TTN: variants seen among roughly 807,000 people sequenced by gnomAD.
TTN encodes titin, also known as connectin.
A neutral mutation model predicts 3,223.0 loss-of-function variants in TTN; 1,525 were observed. That is an observed-to-expected ratio of 0.47 (90% confidence interval 0.45 to 0.49). The LOEUF (loss-of-function observed/expected upper bound fraction) is 0.49. Ranked by LOEUF, TTN falls within the 20% of genes least tolerant of loss-of-function variation. The probability of loss-of-function intolerance (pLI) is 0.00; values close to 1 mark genes in which losing one functional copy is unlikely to be tolerated. For missense variants in TTN, 40,786 were observed against 43,424.0 expected, an observed-to-expected ratio of 0.94 and a Z score of 5.40; for synonymous variants, 14,094 against 15,161.0, an observed-to-expected ratio of 0.93 and a Z score of 5.17.
chr2:178,599,665 T>G lies in TTN; in HGVS notation c.56236A>C (p.Thr18746Pro). 1 of 1,613,066 alleles carries G rather than the reference T, an allele frequency of 6.2e-7. No individual in the cohort carries two copies. The highest frequency in any genetic ancestry group is 8.5e-7 in the Non-Finnish European group (1 of 1,179,382). ...GACTGCGGAATAACTAAAGTGCAAGTATCATCTACCACCAGTTTGTTGACA... is the reference window on the plus strand; with the variant it reads ...GACTGCGGAATAACTAAAGTGCAAGGATCATCTACCACCAGTTTGTTGACA... ...THVNKLVVDD[T>P]CTLVIPQSRR... Residue 18746 changes from threonine to proline, a missense_variant, in exon 289 of 363, where the codon ACT becomes CCT. Coordinates refer to ENST00000589042, the MANE Select transcript of TTN (RefSeq NM_001267550.2).
Position 178,528,644 on chromosome 2 carries a change from C to A in TTN, c.107107G>T (p.Ala35703Ser). 6.2e-7 allele frequency: 1 copy of A among 1,612,906 alleles called. No homozygotes were observed. The highest frequency in any genetic ancestry group is 8.5e-7 in the Non-Finnish European group (1 of 1,179,374). Reference protein sequence around the residue: ...TLSKELSDAPAFISQPRSQNI... With the variant: ...TLSKELSDAPSFISQPRSQNI... ...TGAGATCTAGGCTGTGAGATGAAGG[C>A]TGGAGCATCTGAGAGTTCTTTGCTC... The change falls in exon 360 of 363, where the codon GCC becomes TCC. Residue 35703 changes from alanine to serine, a missense_variant. Coordinates refer to ENST00000589042, the MANE Select transcript of TTN (RefSeq NM_001267550.2).
intron 330 of TTN, 80 bp downstream of exon 330, chr2:178,556,768 A>G (rs371949544): frequency 3.3e-6 from 5 of 1,504,178 alleles, no homozygotes; most frequent in Non-Finnish European, 4.5e-6. Context: ...AAGTTATTCT[A>G]TAGGATTAGA....
chr2:178,688,779 C>A lies in TTN; in HGVS notation c.32096-1G>T, dbSNP rs2071539166. 3 of 1,599,138 alleles carry A rather than the reference C, an allele frequency of 1.9e-6. No homozygotes were observed. The highest frequency in any genetic ancestry group is 2.6e-6 in the Non-Finnish European group (3 of 1,168,220). The stretch of plus-strand genomic sequence containing the variant: ...ACAACAGTTTTCTTAGAGACTTCAG[C>A]TTTAAGAAAGTGTTAAAGTTGAAGT... On this transcript the variant is annotated splice_acceptor_variant, in intron 125 of 362. Transcript: ENST00000589042. LOFTEE classifies it high-confidence loss of function.
rs376800688 is a variant in TTN, at chr2:178,587,732, G to A, written c.63577C>T (p.Arg21193Cys). 4.5e-4 allele frequency: 728 copies of A among 1,612,660 alleles called. No individual in the cohort carries two copies. Among genetic ancestry groups the A allele is most frequent in the Non-Finnish European group, 5.8e-4 (683 of 1,179,276 alleles). The change falls in exon 306 of 363, where the codon CGT becomes TGT. Residue 21193 changes from arginine (R) to cysteine (C), a missense_variant. Transcript: ENST00000589042. Reference sequence around the variant, plus strand: ...CGTCCTCTCACTATAGCAAAGAGACGAATAGGGCATCCTGCTCTCACTATG... The same window carrying A: ...CGTCCTCTCACTATAGCAAAGAGACAAATAGGGCATCCTGCTCTCACTATG... ...LVIVRAGCPI[R>C]LFAIVRGRPA...
In TTN at chr2:178,640,048, C is replaced by T; in HGVS notation, c.40786G>A (p.Glu13596Lys). ...TGACATTGAGGATAAGCTTGCTCAC[C>T]TGCTTCGGGCTTTGGTTTCGGTTCA... ...APEPKPKPEA[E>K]VKTIKPPPVE... The change falls in exon 222 of 363, where the codon GAA becomes AAA. Residue 13596 changes from glutamate to lysine, a missense_variant and splice_region_variant. Glu to Lys is a moderately conservative substitution (Grantham distance 56, BLOSUM62 1). Coordinates refer to ENST00000589042, the MANE Select transcript of TTN (RefSeq NM_001267550.2). 1.2e-6 allele frequency: 2 copies of T among 1,612,018 alleles called. No individual in the cohort carries two copies.
At chr2:178,606,227 T>C (rs1169262847) in intron 278 of TTN, among the ~76,000 whole-genome samples, 1 of 152,026 alleles carries the variant, frequency 6.6e-6, no homozygotes, top group African/African-American at 2.4e-5. Flanking sequence ...AGTTAAGCTT[T>C]CAGTGGTAAA....
intron 261 of TTN, 39 bp downstream of exon 261, chr2:178,614,427 A>G (rs773096998): frequency 1.3e-6 from 2 of 1,581,180 alleles, no homozygotes; most frequent in Non-Finnish European, 8.6e-7. Flanking sequence ...AAGTAACTGC[A>G]AAGAGTTTAT....
chr2:178,564,322 A>C lies in TTN; in HGVS notation c.81810T>G (p.Ile27270Met), dbSNP rs971963708. 6.2e-7 allele frequency: 1 copy of C among 1,613,686 alleles called. No homozygotes were observed. The highest frequency in any genetic ancestry group is 8.5e-7 in the Non-Finnish European group (1 of 1,179,754). The change falls in exon 326 of 363, where the codon ATT (isoleucine) becomes ATG (methionine). Residue 27270 changes from isoleucine (I) to methionine (M), a missense_variant. By Grantham distance (10) the Ile-to-Met change is conservative (BLOSUM62 1). Coordinates refer to ENST00000589042, the MANE Select transcript of TTN (RefSeq NM_001267550.2). Reference sequence around the variant, plus strand: ...GATCCAGAGAGGCATTTGGTGCATCAATTTCATCTCTTGCAGTAATGGCAC... The same window carrying C: ...GATCCAGAGAGGCATTTGGTGCATCCATTTCATCTCTTGCAGTAATGGCAC... ...SSGAITARDEIDAPNASLDPK... is the reference protein window; with the variant it reads ...SSGAITARDEMDAPNASLDPK...
Position 178,584,767 on chromosome 2 carries a change from A to G in TTN, c.64874T>C (p.Ile21625Thr), listed in dbSNP as rs1318752166. ...TKTSCRVGKL[I>T]PGQEYIFRVR... ...CCGGAAGATGTACTCCTGGCCTGGG[A>G]TCAGCTTTCCAACCCTGCAGGAAGT... The change falls in exon 310 of 363, where the codon ATC (isoleucine) becomes ACC (threonine). Residue 21625 changes from isoleucine to threonine, a missense_variant. Physicochemically the swap from Ile to Thr is moderately conservative, Grantham distance 89. Coordinates refer to ENST00000589042, the MANE Select transcript of TTN (RefSeq NM_001267550.2). The G allele has an allele frequency of 6.2e-7, 1 of 1,613,446 alleles. No homozygotes were observed. Among genetic ancestry groups the G allele is most frequent in the South Asian group, 1.1e-5 (1 of 91,058 alleles).
Position 178,739,777 on chromosome 2 carries a change from C to G in TTN, c.13456G>C (p.Asp4486His). Residue 4486 changes from aspartate to histidine, a missense_variant, in exon 48 of 363, where the codon GAC becomes CAC. Transcript: ENST00000589042. ...CTAGGACCCTCAGCTGTTAGGATGT[C>G]TATTTCCTCATATATAATAGCACAC... Reference protein sequence around the residue: ...ALCAIIYEEIDILTAEGPRIQ... With the variant: ...ALCAIIYEEIHILTAEGPRIQ... 1 of 1,613,818 alleles carries G rather than the reference C, an allele frequency of 6.2e-7. No individual in the cohort carries two copies. The highest frequency in any genetic ancestry group is 2.2e-5 in the East Asian group (1 of 44,858).
rs761587912 is a variant in TTN at position 178,620,362 on chromosome 2, T to A, written c.46159A>T (p.Ile15387Leu). 3.1e-6 allele frequency: 5 copies of A among 1,609,678 alleles called. No homozygotes were observed. The highest frequency in any genetic ancestry group is 1.7e-6 in the Non-Finnish European group (2 of 1,177,698). The change falls in exon 248 of 363, where the codon ATA becomes TTA. Residue 15387 changes from isoleucine (I) to leucine (L), a missense_variant. Transcript: ENST00000589042. ...QDKSVAELLI[I>L]EAPTEFVEHL... ...TCCACAAATTCTGTCGGGGCTTCTATGATGAGAAGCTCAGCAACAGATTTA... is the reference window on the plus strand; with the variant it reads ...TCCACAAATTCTGTCGGGGCTTCTAAGATGAGAAGCTCAGCAACAGATTTA...
At position 178,673,633 on chromosome 2, in the gene TTN, C is replaced by G; in HGVS notation, c.34786G>C (p.Val11596Leu). 1 of 1,586,338 alleles carries G rather than the reference C, an allele frequency of 6.3e-7. No homozygotes were observed. Among genetic ancestry groups the G allele is most frequent in the Non-Finnish European group, 8.6e-7 (1 of 1,169,432 alleles). The change falls in exon 152 of 363, where the codon GTG (valine) becomes CTG (leucine). Residue 11596 changes from valine to leucine, a missense_variant and splice_region_variant. Transcript: ENST00000589042. ...TATTAATAATGAGGATTTGATATAC[C>G]TTTAGCTGGTGGTGCCTCCACTTTT... ...PKKVEAPPAK[V>L]SKKIPEEKVP...
rs2092111633 is a variant in TTN, at chr2:178,775,421, C to T, written c.6443G>A (p.Ser2148Asn). ...TATGTTGATGGCTTTTACCATGATGCTGGCAGAGTCCTCAGCAGTCACATC... is the reference window on the plus strand; with the variant it reads ...TATGTTGATGGCTTTTACCATGATGTTGGCAGAGTCCTCAGCAGTCACATC... ...IRDVTAEDSA[S>N]IMVKAINIAG... The change falls in exon 28 of 363, where the codon AGC becomes AAC. Residue 2148 changes from serine to asparagine, a missense_variant. By Grantham distance (46) the Ser-to-Asn change is conservative. Coordinates refer to ENST00000589042, the MANE Select transcript of TTN (RefSeq NM_001267550.2). 6.2e-7 allele frequency: 1 copy of T among 1,614,038 alleles called. No homozygotes were observed. Among genetic ancestry groups the T allele is most frequent in the Non-Finnish European group, 8.5e-7 (1 of 1,180,000 alleles).
intron 43 of TTN, chr2:178,761,151 C>G (rs1002931644): frequency 1.3e-5 from 2 of 150,980 alleles, no homozygotes; most frequent in African/African-American, 2.4e-5. Context: ...CTGCAATACC[C>G]CACTTGTCTC....
At chr2:178,676,815 T>C (rs986827017) in intron 147 of TTN, among the ~76,000 whole-genome samples, 5 of 151,830 alleles carry the variant, frequency 3.3e-5, no homozygotes, top group Non-Finnish European at 7.4e-5. Flanking sequence ...AGCCTGGTGT[T>C]AAAAAGGCAT....
At chr2:178,578,523 A>G in intron 321 of TTN, 88 bp downstream of exon 321, 3 of 991,092 alleles carry the variant, frequency 3.0e-6, no homozygotes. Flanking sequence ...AGATAATGTT[A>G]TCGATAAGCA....
rs767265973 is a variant in TTN, at chr2:178,620,398, C to T, written c.46123G>A (p.Ala15375Thr). The change falls in exon 248 of 363, where the codon GCT (alanine) becomes ACT (threonine). Residue 15375 changes from alanine (A) to threonine (T), a missense_variant. By Grantham distance (58) the Ala-to-Thr change is moderately conservative. Transcript: ENST00000589042. ...TCAGCAACAGATTTATCTTGTCCAG[C>T]AGTGACAATGTATTCACCTTCATCT... ...FPDEGEYIVTAGQDKSVAELL... is the reference protein window; with the variant it reads ...FPDEGEYIVTTGQDKSVAELL... 9.9e-6 allele frequency: 16 copies of T among 1,612,048 alleles called. No individual in the cohort carries two copies. The highest frequency in any genetic ancestry group is 1.6e-4 in the Middle Eastern group (1 of 6,066).
At chr2:178,536,629 A>C in intron 356 of TTN, 54 bp from the exon 357 acceptor site, 1 of 1,405,048 alleles carries the variant, frequency 7.1e-7, no homozygotes, top group South Asian at 1.6e-5. Flanking sequence ...AGCTTTATTA[A>C]AGCTTATTTT....
In TTN at chr2:178,557,421, T is replaced by C; in HGVS notation, c.87841A>G (p.Ser29281Gly). ...GYHLEMKDRNSILWQKANKLV... is the reference protein window; with the variant it reads ...GYHLEMKDRNGILWQKANKLV... ...TTGTTGGCTTTTTGCCATAAAATACTGTTTCTGTCTTTCATTTCCAGGTGA... is the reference window on the plus strand; with the variant it reads ...TTGTTGGCTTTTTGCCATAAAATACCGTTTCTGTCTTTCATTTCCAGGTGA... The change falls in exon 329 of 363, where the codon AGT becomes GGT. Residue 29281 changes from serine to glycine, a missense_variant. Coordinates refer to ENST00000589042, the MANE Select transcript of TTN (RefSeq NM_001267550.2). 1.2e-6 allele frequency: 2 copies of C among 1,613,992 alleles called. No homozygotes were observed. The highest frequency in any genetic ancestry group is 2.2e-5 in the East Asian group (1 of 44,870).
Sources: allele counts gnomAD v4.1 joint callset (sites outside exome capture counted in the v4.1 genomes callset), GRCh38; gene constraint gnomAD v4.1.1; transcripts MANE v1.5; gene names NCBI Gene and HGNC (gene_info 2026-07-23, HGNC 2026-07-21).